The following KIAA1328 variants were observed in gnomAD, a reference collection of about 807,000 sequenced individuals.
KIAA1328 encodes protein hinderin.
Under a neutral mutation model 68.1 loss-of-function variants are expected in KIAA1328, and 52 were observed. That is an observed-to-expected ratio of 0.76 (90% CI 0.61 to 0.96). The LOEUF (loss-of-function observed/expected upper bound fraction) is 0.96, where lower values mean the gene tolerates loss of function less well. Among genes scored for constraint, KIAA1328 ranks in the 40% least tolerant of loss-of-function variants. The pLI is 0.00. For synonymous variants in KIAA1328, 232 were observed against 239.4 expected (o/e 0.97, Z 0.28); for missense variants, 641 against 677.6 (o/e 0.95, Z 0.60).
chr18:36,856,329 A>G (rs1490214730), intron 4 of KIAA1328, among the ~76,000 whole-genome samples: 3 of 151,856 alleles, frequency 2.0e-5, no homozygotes, highest in Non-Finnish European at 4.4e-5. Flanking sequence ...GATACCCTCG[A>G]TGTCATTCCA....
intron 7 of KIAA1328, among the ~76,000 whole-genome samples, chr18:37,105,975 T>G (rs1200763926): frequency 1.5e-5 from 1 of 66,280 alleles, no homozygotes; most frequent in Non-Finnish European, 3.5e-5. Flanking sequence ...ATTTTTTAAA[T>G]AAATATAAAA....
intron 7 of KIAA1328, among the ~76,000 whole-genome samples, chr18:37,071,339 C>T (rs893353090): frequency 6.6e-5 from 10 of 151,884 alleles, no homozygotes; most frequent in Non-Finnish European, 1.2e-4. Flanking sequence ...TTCCAAAGTG[C>T]TGGGATTACA....
chr18:36,988,055 A>G (rs1047657402), intron 6 of KIAA1328, among the ~76,000 whole-genome samples: 1 of 152,146 alleles, frequency 6.6e-6, no homozygotes, highest in African/African-American at 2.4e-5. Flanking sequence ...GACAAAGTGG[A>G]AATGTTCCCA....
intron 6 of KIAA1328, among the ~76,000 whole-genome samples, chr18:36,985,127 C>A (rs1303735322): frequency 6.6e-6 from 1 of 151,760 alleles, no homozygotes; most frequent in Non-Finnish European, 1.5e-5. Flanking sequence ...GACAGCCAGA[C>A]CCTTTCTCTC....
rs150769212 is a variant in KIAA1328 at position 36,871,701 on chromosome 18, C to T, written c.333-13856C>T. On this transcript the variant is annotated intron_variant, in intron 4 of 9. Coordinates refer to ENST00000280020, the MANE Select transcript of KIAA1328 (RefSeq NM_020776.3). Reference sequence around the variant, plus strand: ...AATTTAAAAAGAAGGTGGAAGAGACCGCAAGCCTAGGACATTTCTTGAAAC... The same window carrying T: ...AATTTAAAAAGAAGGTGGAAGAGACTGCAAGCCTAGGACATTTCTTGAAAC... Among the ~76,000 whole-genome samples the T allele has an allele frequency of 7.2e-4, 109 of 151,848 alleles. No homozygotes were observed. In the East Asian group the frequency reaches 0.016, roughly 23 times the overall value.
chr18:37,076,268 A>G (rs1186349803), intron 7 of KIAA1328, among the ~76,000 whole-genome samples: 2 of 152,186 alleles, frequency 1.3e-5, no homozygotes, highest in Admixed American at 1.3e-4. Flanking sequence ...AGAAATAAAG[A>G]TGTTCTTTGA....
At chr18:36,899,593 T>C (rs956738427) in intron 5 of KIAA1328, among the ~76,000 whole-genome samples, 10 of 151,982 alleles carry the variant, frequency 6.6e-5, no homozygotes, top group Non-Finnish European at 1.5e-5. Flanking sequence ...TTTAAAAATA[T>C]ACATATACTC....
At chr18:37,086,686 T>C (rs1358140183) in intron 7 of KIAA1328, among the ~76,000 whole-genome samples, 1 of 152,218 alleles carries the variant, frequency 6.6e-6, no homozygotes, top group Non-Finnish European at 1.5e-5. Context: ...AGTTTAGCTT[T>C]ATATAGCATT....
intron 4 of KIAA1328, among the ~76,000 whole-genome samples, chr18:36,847,068 G>A (rs1600966450): frequency 6.6e-6 from 1 of 151,324 alleles, no homozygotes; most frequent in Non-Finnish European, 1.5e-5. Context: ...ACAGCATAAT[G>A]TTTTTAGTTG....
rs952594775 is a variant in KIAA1328, at chr18:36,852,915, T to A, written c.332+8613T>A. Among the ~76,000 whole-genome samples the A allele has an allele frequency of 6.6e-5, 10 of 152,318 alleles. No homozygotes were observed. The South Asian group carries it at 1.2e-3, about 19-fold the overall frequency. ...TGTTATTGAAAGTGTGTTATTTAAT[T>A]CTCTATTATTCTAGAACTGTTTATT... On this transcript the variant is annotated intron_variant, in intron 4 of 9. Transcript: ENST00000280020.
chr18:36,917,971 G>GT lies in KIAA1328; in HGVS notation c.448+32308dup, dbSNP rs1311243972. Among the ~76,000 whole-genome samples, 141 of 150,470 alleles carry GT rather than the reference G, an allele frequency of 9.4e-4. No individual in the cohort carries two copies. In the East Asian group the frequency reaches 0.011, roughly 11 times the overall value. ...CTCCAGCGATTTTAGACAGTTGTGT[G>GT]TTTTTTTTTGTTTTTGTTTTTTTTA... On this transcript the variant is annotated intron_variant, in intron 5 of 9. Coordinates refer to ENST00000280020, the MANE Select transcript of KIAA1328 (RefSeq NM_020776.3).
chr18:37,179,766 A>T (rs1400307640), intron 9 of KIAA1328, among the ~76,000 whole-genome samples: 3 of 152,146 alleles, frequency 2.0e-5, no homozygotes, highest in Non-Finnish European at 4.4e-5. Context: ...AATTGCTTCC[A>T]GCTCCAGATA....
intron 7 of KIAA1328, among the ~76,000 whole-genome samples, chr18:37,145,992 C>T (rs1370578923): frequency 2.0e-5 from 3 of 152,034 alleles, no homozygotes; most frequent in Non-Finnish European, 2.9e-5. Context: ...TTGCTTCCCC[C>T]GCTCCCAATT....
chr18:37,084,887 A>T (rs865791673), intron 7 of KIAA1328, among the ~76,000 whole-genome samples: 1 of 152,184 alleles, frequency 6.6e-6, no homozygotes, highest in South Asian at 2.1e-4. Context: ...GCAACAATCA[A>T]TCTGGATCCT....
chr18:36,999,913 C>A (rs1318173972), intron 6 of KIAA1328, among the ~76,000 whole-genome samples: 2 of 151,460 alleles, frequency 1.3e-5, no homozygotes, highest in South Asian at 4.2e-4. Context: ...ATCCACCAAA[C>A]CACAATGAAA....
At chr18:37,174,254 C>T (rs2059553920) in intron 9 of KIAA1328, among the ~76,000 whole-genome samples, 1 of 152,160 alleles carries the variant, frequency 6.6e-6, no homozygotes, top group Admixed American at 6.6e-5. Flanking sequence ...ATTTCAGACT[C>T]CAAACCTCGT....
chr18:37,034,247 A>G (rs1184250770), intron 6 of KIAA1328, among the ~76,000 whole-genome samples: 1 of 152,188 alleles, frequency 6.6e-6, no homozygotes, highest in Non-Finnish European at 1.5e-5. Context: ...AGAAGTTGTA[A>G]TACAAAAAAA....
intron 5 of KIAA1328, chr18:36,925,079 C>G (rs1181558593): frequency 1.3e-5 from 2 of 152,116 alleles, no homozygotes; most frequent in African/African-American, 2.4e-5. Context: ...AATGATAATA[C>G]ACCATGGTGT....
At position 37,149,816 on chromosome 18, in the gene KIAA1328, A is replaced by G. The variant is rs968489573; in HGVS notation, c.1233-10384A>G. Among the ~76,000 whole-genome samples, 4 of 152,208 alleles carry G rather than the reference A, an allele frequency of 2.6e-5. No homozygotes were observed. The East Asian group carries it at 5.8e-4, about 22-fold the overall frequency. On this transcript the variant is annotated intron_variant, in intron 7 of 9. Coordinates refer to ENST00000280020, the MANE Select transcript of KIAA1328 (RefSeq NM_020776.3). ...AAAAAGAAAACCAAACAGGAAATCA[A>G]CAACACTAAAAGTTGATTCTTTGAA...
Sources: gnomAD v4.1 joint callset for allele counts (sites outside exome capture counted in the v4.1 genomes callset) on GRCh38, gnomAD v4.1.1 for gene constraint, MANE v1.5 for transcripts, NCBI Gene and HGNC (gene_info 2026-07-23, HGNC 2026-07-21) for gene names.